MAGI2: variants seen among roughly 807,000 people sequenced by gnomAD.
MAGI2 encodes membrane-associated guanylate kinase, WW and PDZ domain-containing protein 2.
Under a neutral mutation model 133.3 loss-of-function variants are expected in MAGI2, and 35 were observed. The ratio of observed to expected loss-of-function variants is 0.26; its 90% CI spans 0.20 to 0.35. The LOEUF is 0.35. Ranked by LOEUF, MAGI2 falls within the 10% of genes least tolerant of loss-of-function variation. The pLI, the probability that MAGI2 is intolerant of heterozygous loss-of-function variation, is 1.00. For synonymous variants in MAGI2, 729 were observed against 710.6 expected (o/e 1.03, Z -0.41); for missense variants, 1,636 against 1,863.4 (o/e 0.88, Z 2.25).
At chr7:78,419,046 C>T (rs1051432740) in intron 6 of MAGI2, among the ~76,000 whole-genome samples, 1 of 152,070 alleles carries the variant, frequency 6.6e-6, no homozygotes, top group Non-Finnish European at 1.5e-5. Flanking sequence ...TACATAAACT[C>T]AGTAAATATT....
intron 3 of MAGI2, among the ~76,000 whole-genome samples, chr7:78,607,508 A>G (rs1805952149): frequency 6.6e-6 from 1 of 151,944 alleles, no homozygotes; most frequent in African/African-American, 2.4e-5. Context: ...TAAAAAAAAA[A>G]AAAAAAGAGA....
chr7:78,256,203 G>A lies in MAGI2; in HGVS notation c.1787C>T (p.Ser596Phe), dbSNP rs1450229781. 3 of 1,614,058 alleles carry A rather than the reference G, an allele frequency of 1.9e-6. No homozygotes were observed. The East Asian group carries it at 6.7e-5, about 36-fold the overall frequency. The change falls in exon 10 of 22, where the codon TCT becomes TTT. Residue 596 changes from serine (S) to phenylalanine (F), a missense_variant. Physicochemically the swap from Ser to Phe is radical, Grantham distance 155. Around this residue, in one of 5 missense-constraint regions of MAGI2, gnomAD observed 920 missense variants for 1,093.5 expected, o/e 0.84. Transcript: ENST00000354212. ...CATAAGTTCAGCTTGGGTGGCCCCA[G>A]ATGAAGCCATAGACACATTGTCATC... ...VHDDNVSMAS[S>F]GATQAELMTL...
In MAGI2 at chr7:78,019,787, T is replaced by G; in HGVS notation, c.3896A>C (p.Glu1299Ala). ...CTTCTTCTGGCCGCAGGCTGAAAGC[T>G]CCTTTGGTTTCCTAACGTCGTGTTC... ...KREHDVRKPKELSACGQKKQR... is the reference protein window; with the variant it reads ...KREHDVRKPKALSACGQKKQR... Residue 1299 changes from glutamate to alanine, a missense_variant, in exon 22 of 22, where the codon GAG becomes GCG. By Grantham distance (107) the Glu-to-Ala change is moderately radical. Around this residue, in one of 5 missense-constraint regions of MAGI2, gnomAD observed 354 missense variants for 298.7 expected, o/e 1.19. Transcript: ENST00000354212. 6.2e-7 allele frequency: 1 copy of G among 1,612,978 alleles called. No individual in the cohort carries two copies. The highest frequency in any genetic ancestry group is 8.5e-7 in the Non-Finnish European group (1 of 1,179,784).
chr7:79,328,106 T>C (rs1839827401), intron 1 of MAGI2, among the ~76,000 whole-genome samples: 1 of 152,200 alleles, frequency 6.6e-6, no homozygotes, highest in African/African-American at 2.4e-5. Flanking sequence ...CTTGCACATC[T>C]TTATTTCAAT....
intron 1 of MAGI2, among the ~76,000 whole-genome samples, chr7:79,451,686 A>G (rs1849266193): frequency 6.6e-6 from 1 of 152,224 alleles, no homozygotes; most frequent in Admixed American, 6.5e-5. Context: ...ACAGTGCGGT[A>G]CATCTCCGTA....
intron 2 of MAGI2, among the ~76,000 whole-genome samples, chr7:78,658,641 C>A (rs1051672568): frequency 2.6e-5 from 4 of 152,084 alleles, no homozygotes; most frequent in South Asian, 2.1e-4. Context: ...ATCCAAATAA[C>A]CCCCTGGTCA....
intron 9 of MAGI2, among the ~76,000 whole-genome samples, chr7:78,332,397 G>A (rs1192884018): frequency 6.6e-6 from 1 of 152,176 alleles, no homozygotes; most frequent in Admixed American, 6.5e-5. Context: ...TCACCTATGT[G>A]TCATTATAAA....
At chr7:78,937,178 G>C (rs769298021) in intron 2 of MAGI2, among the ~76,000 whole-genome samples, 29 of 151,998 alleles carry the variant, frequency 1.9e-4, no homozygotes, top group Non-Finnish European at 3.7e-4. Context: ...ACAGAAGCCA[G>C]TAGTCTGAAG....
chr7:78,873,539 T>A (rs1795196011), intron 2 of MAGI2, among the ~76,000 whole-genome samples: 1 of 152,126 alleles, frequency 6.6e-6, no homozygotes, highest in Non-Finnish European at 1.5e-5. Flanking sequence ...CACCCCCAGA[T>A]GGGACCATTT....
At chr7:79,236,442 C>T (rs17147873) in intron 1 of MAGI2, among the ~76,000 whole-genome samples, 5,829 of 152,220 alleles carry the variant, frequency 0.038, 179 homozygotes, top group African/African-American at 0.077. Context: ...TCAATAATTG[C>T]GTATAAGGCT....
At chr7:78,840,848 T>G (rs920642727) in intron 2 of MAGI2, among the ~76,000 whole-genome samples, 1 of 150,318 alleles carries the variant, frequency 6.7e-6, no homozygotes, top group Admixed American at 6.6e-5. Flanking sequence ...TGTTTTTTCA[T>G]TTGTATGGTA....
intron 2 of MAGI2, among the ~76,000 whole-genome samples, chr7:78,817,277 G>A (rs528043096): frequency 6.6e-6 from 1 of 152,272 alleles, no homozygotes; most frequent in East Asian, 1.9e-4. Flanking sequence ...ATCTACTTCT[G>A]GTGAAGATGC....
At chr7:78,288,765 A>G (rs1796406284) in intron 9 of MAGI2, among the ~76,000 whole-genome samples, 1 of 152,232 alleles carries the variant, frequency 6.6e-6, no homozygotes, top group African/African-American at 2.4e-5. Context: ...CAGAGGAAGG[A>G]TCAGGCAGCA....
chr7:78,160,982 A>G (rs1156690554), intron 15 of MAGI2, among the ~76,000 whole-genome samples: 1 of 152,244 alleles, frequency 6.6e-6, no homozygotes, highest in Non-Finnish European at 1.5e-5. Flanking sequence ...CAGCCATATC[A>G]CAATGAAGTG....
rs187338977 is a variant in MAGI2, at chr7:78,429,470, T to A, written c.1046-60257A>T. On this transcript the variant is annotated intron_variant, in intron 6 of 21. Transcript: ENST00000354212. ...AAAACTCCCGTGGAAAAAAATGGATTTCGTTCTTTGTTTCATTTTTTCCTA... is the reference window on the plus strand; with the variant it reads ...AAAACTCCCGTGGAAAAAAATGGATATCGTTCTTTGTTTCATTTTTTCCTA... 2.0e-5 allele frequency among the ~76,000 whole-genome samples: 3 copies of A among 152,036 alleles called. No individual in the cohort carries two copies. The East Asian group carries it at 5.8e-4, about 29-fold the overall frequency.
intron 3 of MAGI2, among the ~76,000 whole-genome samples, chr7:78,529,666 TGG>T (rs1797273142): frequency 8.1e-6 from 1 of 123,384 alleles, no homozygotes; most frequent in African/African-American, 3.2e-5. Flanking sequence ...CTAAAGGAGA[TGG>T]TTTTTTTTTT....
At chr7:78,195,104 C>T (rs904886204) in intron 11 of MAGI2, 41 bp from the exon 12 acceptor site, 2 of 1,509,578 alleles carry the variant, frequency 1.3e-6, no homozygotes, top group African/African-American at 2.8e-5. Context: ...CTGACAAATT[C>T]TTCCTGGCTA....
Position 78,299,734 on chromosome 7 carries a change from C to T in MAGI2, c.1409-43153G>A, listed in dbSNP as rs544071955. ...TTAAGCCCGGTATCCACTAGCTATTCTTCCTGATCCTCTCCCTCCTCTCAA... is the reference window on the plus strand; with the variant it reads ...TTAAGCCCGGTATCCACTAGCTATTTTTCCTGATCCTCTCCCTCCTCTCAA... On this transcript the variant is annotated intron_variant, in intron 9 of 21. Transcript: ENST00000354212. Among the ~76,000 whole-genome samples the T allele has an allele frequency of 3.9e-5, 6 of 152,212 alleles. 1 individual carries two copies. In the South Asian group the frequency reaches 1.2e-3, roughly 32 times the overall value.
intron 1 of MAGI2, among the ~76,000 whole-genome samples, chr7:79,288,519 G>T (rs1366038159): frequency 6.6e-6 from 1 of 152,072 alleles, no homozygotes. Flanking sequence ...TTTTGGTACA[G>T]TAAATAACCA....
Sources: gnomAD v4.1 joint callset for allele counts (sites outside exome capture counted in the v4.1 genomes callset) on GRCh38, gnomAD v4.1.1 for gene constraint, gnomAD v4.1.1 regional missense constraint, MANE v1.5 for transcripts, NCBI Gene and HGNC (gene_info 2026-07-23, HGNC 2026-07-21) for gene names.